The following DYRK4 variants were observed in gnomAD, a reference collection of about 807,000 sequenced individuals.
The protein encoded by DYRK4 is dual specificity tyrosine-phosphorylation-regulated kinase 4.
In DYRK4, 64 loss-of-function variants were observed where a neutral mutation model predicts 68.3. That is an observed-to-expected ratio of 0.94 (90% CI 0.77 to 1.15). The LOEUF is 1.15. Ranked by LOEUF, DYRK4 falls within the 50% of genes most tolerant of loss-of-function variation. The pLI, the probability that DYRK4 is intolerant of heterozygous loss-of-function variation, is 0.00. For synonymous variants in DYRK4, 274 were observed against 289.9 expected, an observed-to-expected ratio of 0.95 and a Z score of 0.56; for missense variants, 740 against 764.7, an observed-to-expected ratio of 0.97 and a Z score of 0.38.
At chr12:4,577,169 AT>A (rs1944797970) in intron 2 of DYRK4, among the ~76,000 whole-genome samples, 2 of 152,132 alleles carry the variant, frequency 1.3e-5, no homozygotes, top group South Asian at 4.1e-4. Flanking sequence ...TTTTGAGTTA[AT>A]CTTTGTGGAA....
intron 6 of DYRK4, among the ~76,000 whole-genome samples, chr12:4,594,746 G>A (rs1944997822): frequency 6.6e-6 from 1 of 150,564 alleles, no homozygotes; most frequent in African/African-American, 2.5e-5. Flanking sequence ...GGGGAAGAAA[G>A]GGACAATGTG....
chr12:4,609,513 C>G (rs1565543767), intron 12 of DYRK4, among the ~76,000 whole-genome samples: 1 of 152,140 alleles, frequency 6.6e-6, no homozygotes, highest in Non-Finnish European at 1.5e-5. Flanking sequence ...AGTTAATACC[C>G]CTAATTAGCA....
Position 4,599,060 on chromosome 12 carries a change from A to G in DYRK4, c.938A>G (p.Asn313Ser), listed in dbSNP as rs760566947. ...TTGTATGAGTTGATGAAGAATAACA[A>G]CTTTCAAGGCTTCAGTCTGTCCATA... Reference protein sequence around the residue: ...INLYELMKNNNFQGFSLSIVR... With the variant: ...INLYELMKNNSFQGFSLSIVR... Residue 313 changes from asparagine to serine, a missense_variant, in exon 9 of 15, where the codon AAC becomes AGC. Around this residue, in one of 3 missense-constraint regions of DYRK4, gnomAD observed 614 missense variants for 603.7 expected, o/e 1.02. Coordinates refer to ENST00000543431, the MANE Select transcript of DYRK4 (RefSeq NM_001394779.1). 3.1e-6 allele frequency: 5 copies of G among 1,614,006 alleles called. No individual in the cohort carries two copies. Among genetic ancestry groups the G allele is most frequent in the South Asian group, 1.1e-5 (1 of 91,060 alleles).
At chr12:4,571,695 G>A (rs2137324497) in intron 2 of DYRK4, among the ~76,000 whole-genome samples, 1 of 152,094 alleles carries the variant, frequency 6.6e-6, no homozygotes, top group South Asian at 2.1e-4. Context: ...ATGTTTATAT[G>A]TTAAAATAGT....
At chr12:4,589,794 A>G (rs1364310721) in intron 3 of DYRK4, among the ~76,000 whole-genome samples, 1 of 152,206 alleles carries the variant, frequency 6.6e-6, no homozygotes, top group Non-Finnish European at 1.5e-5. Flanking sequence ...TAATCAGTCA[A>G]TCAGTCAGTG....
intron 2 of DYRK4, among the ~76,000 whole-genome samples, chr12:4,570,114 G>T (rs926795479): frequency 6.6e-6 from 1 of 151,054 alleles, no homozygotes; most frequent in African/African-American, 2.4e-5. Context: ...GGTAGTGCAC[G>T]CCTGTAGTCC....
In DYRK4 at chr12:4,588,993, CA is replaced by C; in HGVS notation, c.190del (p.Arg64GlufsTer2). The C allele has an allele frequency of 6.5e-7, 1 of 1,536,066 alleles. No homozygotes were observed. Among genetic ancestry groups the C allele is most frequent in the Non-Finnish European group, 8.7e-7 (1 of 1,146,886 alleles). ...QKPPSNIKNS[R>X]MTQVFHKNTS... Reference sequence around the variant, plus strand: ...AGCCACCTTCCAATATCAAGAACTCCAGAATGACCCAAGTCTTTCATAAGGT... The same window carrying C: ...AGCCACCTTCCAATATCAAGAACTCCGAATGACCCAAGTCTTTCATAAGGT... On this transcript the variant is annotated frameshift_variant, in exon 3 of 15. Transcript: ENST00000543431. LOFTEE classifies it high-confidence loss of function.
At chr12:4,593,284 C>G in intron 6 of DYRK4, 119 bp downstream of exon 6, 1 of 1,166,038 alleles carries the variant, frequency 8.6e-7, no homozygotes, top group Non-Finnish European at 1.2e-6. Context: ...GACTAGATAT[C>G]CTGAAGTATT....
rs1170210530 is a variant in DYRK4 at position 4,610,253 on chromosome 12, A to G, written c.1459A>G (p.Ser487Gly). The change falls in exon 13 of 15, where the codon AGC (serine) becomes GGC (glycine). Residue 487 changes from serine (S) to glycine (G), a missense_variant. Around this residue, in one of 3 missense-constraint regions of DYRK4, gnomAD observed 614 missense variants for 603.7 expected, o/e 1.02. Coordinates refer to ENST00000543431, the MANE Select transcript of DYRK4 (RefSeq NM_001394779.1). ...LTMVLKTYDT[S>G]FLDFLRRCLV... is the part of the protein sequence containing the mutation. ...GATGGTGCTGAAAACCTATGACACC[A>G]GCTTCCTGGACTTTCTCAGAAGGTG... The G allele has an allele frequency of 2.5e-6, 4 of 1,586,886 alleles. No individual in the cohort carries two copies. The highest frequency in any genetic ancestry group is 1.7e-4 in the Middle Eastern group (1 of 6,012).
chr12:4,611,541 T>C (rs1945221081), intron 13 of DYRK4, among the ~76,000 whole-genome samples: 1 of 152,228 alleles, frequency 6.6e-6, no homozygotes. Context: ...CCAAGTTCAA[T>C]AGGCATAAAT....
In DYRK4 at chr12:4,582,200, C is replaced by T. The variant is rs184532719; in HGVS notation, c.133-6737C>T. Among the ~76,000 whole-genome samples the T allele has an allele frequency of 1.6e-3, 238 of 152,258 alleles. 1 individual carries two copies. Among genetic ancestry groups the T allele is most frequent in the African/African-American group, 5.4e-3 (225 of 41,550 alleles). ...GGCTCACGCCTGTAATCCCAGCACT[C>T]TGGGAGGCTGAGGTGGGAGGTTTCA... is the stretch of plus-strand genomic sequence containing the variant. On this transcript the variant is annotated intron_variant, in intron 2 of 14. Coordinates refer to ENST00000543431, the MANE Select transcript of DYRK4 (RefSeq NM_001394779.1).
At chr12:4,563,379 C>G (rs1944647816) in intron 1 of DYRK4, among the ~76,000 whole-genome samples, 1 of 152,206 alleles carries the variant, frequency 6.6e-6, no homozygotes, top group Non-Finnish European at 1.5e-5. Context: ...TTGCCTGCAA[C>G]TTGGCTAGAA....
chr12:4,604,063 G>C (rs1222844692), intron 10 of DYRK4, among the ~76,000 whole-genome samples: 1 of 152,030 alleles, frequency 6.6e-6, no homozygotes, highest in Admixed American at 6.5e-5. Flanking sequence ...TTAAATTGGA[G>C]GCAATAATAC....
At chr12:4,601,989 G>A in intron 10 of DYRK4, 1 of 317,798 alleles carries the variant, frequency 3.1e-6, no homozygotes, top group Non-Finnish European at 5.9e-6. Flanking sequence ...TTCCTTCAAA[G>A]TCTGAACAAA....
At position 4,596,199 on chromosome 12, in the gene DYRK4, G is replaced by A; in HGVS notation, c.678G>A (p.Gly226=). ...AYRYEVLETI[G]KGSFGQVAKC... ...GCTATGAAGTTCTGGAGACAATCGG[G>A]AAGGGGTCCTTTGGACAGGTGGCCA... Residue 226 remains glycine (G), a synonymous_variant, in exon 7 of 15, where the codon GGG becomes GGA. Coordinates refer to ENST00000543431, the MANE Select transcript of DYRK4 (RefSeq NM_001394779.1). 1 of 1,614,208 alleles carries A rather than the reference G, an allele frequency of 6.2e-7. No individual in the cohort carries two copies. The highest frequency in any genetic ancestry group is 8.5e-7 in the Non-Finnish European group (1 of 1,180,050).
At chr12:4,608,100 C>T (rs1565543335) in intron 12 of DYRK4, among the ~76,000 whole-genome samples, 1 of 152,180 alleles carries the variant, frequency 6.6e-6, no homozygotes, top group Non-Finnish European at 1.5e-5. Flanking sequence ...TTTCAACGTA[C>T]ACGCACCAAA....
At chr12:4,569,318 T>C (rs547773015) in intron 2 of DYRK4, among the ~76,000 whole-genome samples, 2 of 152,304 alleles carry the variant, frequency 1.3e-5, no homozygotes, top group East Asian at 3.9e-4. Context: ...CAGCAAAACA[T>C]GCTAATATAA....
In DYRK4 at chr12:4,568,084, T is replaced by A. The variant is rs745382181; in HGVS notation, c.132+36T>A. The A allele has an allele frequency of 2.8e-5, 43 of 1,522,652 alleles. No individual in the cohort carries two copies. In the Admixed American group the frequency reaches 3.5e-4, roughly 13 times the overall value. The allele number at this position is 1,522,652 out of a possible 1,614,324, so 94.3% of individuals were successfully genotyped here. ...TTGAATTTTCACTGGGGAAGAGAGGTATCATTGCGAGGTCCTAGGGACTCA... is the reference window on the plus strand; with the variant it reads ...TTGAATTTTCACTGGGGAAGAGAGGAATCATTGCGAGGTCCTAGGGACTCA... On this transcript the variant is annotated intron_variant, in intron 2 of 14. Coordinates refer to ENST00000543431, the MANE Select transcript of DYRK4 (RefSeq NM_001394779.1).
chr12:4,603,367 T>G (rs1207879389), intron 10 of DYRK4: 2 of 499,068 alleles, frequency 4.0e-6, no homozygotes, highest in Non-Finnish European at 7.4e-6. Context: ...CCTTTTCAGA[T>G]TCATCTTTGT....
Sources: gnomAD v4.1 joint callset for allele counts (sites outside exome capture counted in the v4.1 genomes callset) on GRCh38, gnomAD v4.1.1 for gene constraint, gnomAD v4.1.1 regional missense constraint, MANE v1.5 for transcripts, NCBI Gene and HGNC (gene_info 2026-07-23, HGNC 2026-07-21) for gene names.